The following PHF24 variants were observed in gnomAD, a reference collection of about 807,000 sequenced individuals.
PHF24 encodes PHD finger protein 24.
Under a neutral mutation model 42.6 loss-of-function variants are expected in PHF24, and 25 were observed. That is an observed-to-expected ratio of 0.59 (90% CI 0.43 to 0.82). PHF24 has a LOEUF of 0.82. Ranked by LOEUF, PHF24 falls within the 40% of genes least tolerant of loss-of-function variation. The probability of loss-of-function intolerance (pLI) is 0.00; values close to 1 mark genes in which losing one functional copy is unlikely to be tolerated. For synonymous variants in PHF24, 185 were observed against 204.8 expected, an observed-to-expected ratio of 0.90 and a Z score of 0.83; for missense variants, 470 against 538.1, an observed-to-expected ratio of 0.87 and a Z score of 1.25.
At chr9:34,895,875 G>T in the PHF24 span, 2 of 396,400 alleles carry the variant, frequency 5.0e-6, no homozygotes, top group Non-Finnish European at 8.9e-6. Flanking sequence ...ACAAGGCAGG[G>T]ATAGCATCAC....
chr9:34,877,102 G>A, the PHF24 span, among the ~76,000 whole-genome samples: 292 of 152,102 alleles, frequency 1.9e-3, no homozygotes, highest in Non-Finnish European at 3.4e-3. Context: ...GCAACATGAC[G>A]AAACCCTGTC....
chr9:34,948,138 GA>G, the PHF24 span, among the ~76,000 whole-genome samples: 7,923 of 151,700 alleles, frequency 0.052, 262 homozygotes, highest in South Asian at 0.085. Context: ...AGAAAAATAG[GA>G]AAAAGTTTAT....
At chr9:34,666,843 G>T in the PHF24 span, among the ~76,000 whole-genome samples, 1 of 152,200 alleles carries the variant, frequency 6.6e-6, no homozygotes, top group Non-Finnish European at 1.5e-5. Context: ...CTACTCGGGA[G>T]GCTGAGGCAG....
At chr9:34,773,601 T>C in the PHF24 span, among the ~76,000 whole-genome samples, 1 of 152,146 alleles carries the variant, frequency 6.6e-6, no homozygotes, top group African/African-American at 2.4e-5. Flanking sequence ...AATGATTGAA[T>C]AAACAAATAA....
the PHF24 span, among the ~76,000 whole-genome samples, chr9:34,688,743 G>A: frequency 8.5e-5 from 13 of 152,240 alleles, no homozygotes; most frequent in African/African-American, 1.2e-4. Flanking sequence ...TGTATGGACA[G>A]AATGAACAGA....
At chr9:34,760,838 A>G in the PHF24 span, among the ~76,000 whole-genome samples, 3 of 152,142 alleles carry the variant, frequency 2.0e-5, no homozygotes, top group Non-Finnish European at 4.4e-5. Context: ...CAAAAATTAC[A>G]AAAATCAGCC....
chr9:34,831,892 G>C, the PHF24 span, among the ~76,000 whole-genome samples: 2 of 152,308 alleles, frequency 1.3e-5, no homozygotes, highest in Admixed American at 1.3e-4. Flanking sequence ...GGAGAAGTCA[G>C]AGGAGAGTCT....
chr9:34,962,116 C>G (rs543807377), intron 1 of PHF24, among the ~76,000 whole-genome samples: 35 of 152,362 alleles, frequency 2.3e-4, no homozygotes, highest in African/African-American at 8.2e-4. Flanking sequence ...TCTTCCTGGC[C>G]TCAGCAAATC....
the PHF24 span, among the ~76,000 whole-genome samples, chr9:34,847,676 G>T: frequency 6.6e-6 from 1 of 151,796 alleles, no homozygotes; most frequent in African/African-American, 2.4e-5. Flanking sequence ...CCTGTCTTGT[G>T]CCAGTTTTCA....
At chr9:34,836,263 A>C in the PHF24 span, among the ~76,000 whole-genome samples, 10 of 152,210 alleles carry the variant, frequency 6.6e-5, no homozygotes, top group Non-Finnish European at 1.5e-5. Context: ...ACAAGGCCTC[A>C]GACAACCCAC....
the PHF24 span, among the ~76,000 whole-genome samples, chr9:34,681,726 G>A: frequency 6.6e-6 from 1 of 152,308 alleles, no homozygotes; most frequent in Non-Finnish European, 1.5e-5. Context: ...CAGGAGAAGT[G>A]CTTGAACCCA....
the PHF24 span, among the ~76,000 whole-genome samples, chr9:34,880,026 A>G: frequency 6.6e-6 from 1 of 152,256 alleles, no homozygotes; most frequent in Non-Finnish European, 1.5e-5. Flanking sequence ...ACAAGCCAGA[A>G]GAGAGTGGGG....
chr9:34,835,709 A>G, the PHF24 span: 9 of 1,550,964 alleles, frequency 5.8e-6, no homozygotes, highest in Non-Finnish European at 7.0e-6. Flanking sequence ...TGATCAGCCC[A>G]GTAATCTTGT....
chr9:34,846,132 G>C, the PHF24 span, among the ~76,000 whole-genome samples: 89 of 152,204 alleles, frequency 5.8e-4, no homozygotes, highest in Middle Eastern at 3.4e-3. Context: ...GGATGGCTGG[G>C]TCAAATGGTA....
the PHF24 span, among the ~76,000 whole-genome samples, chr9:34,668,341 C>T: frequency 6.6e-6 from 1 of 152,174 alleles, no homozygotes; most frequent in East Asian, 1.9e-4. Flanking sequence ...GGCACTGATA[C>T]ATACAGGAAC....
chr9:34,873,038 T>G, the PHF24 span, among the ~76,000 whole-genome samples: 1 of 150,036 alleles, frequency 6.7e-6, no homozygotes, highest in Admixed American at 6.6e-5. Context: ...TTTGCCCACT[T>G]TTTGATGGGG....
At chr9:34,902,211 A>G in the PHF24 span, among the ~76,000 whole-genome samples, 1 of 152,318 alleles carries the variant, frequency 6.6e-6, no homozygotes, top group East Asian at 1.9e-4. Context: ...ATATGTTACT[A>G]TGATTGTAAA....
chr9:34,977,584 C>A, exon 7 of PHF24: 1 of 1,609,970 alleles, frequency 6.2e-7, no homozygotes, highest in South Asian at 1.1e-5. Context: ...AGCAGCCCAG[C>A]CAGCAGCAGC....
At chr9:34,774,375 T>A in the PHF24 span, among the ~76,000 whole-genome samples, 1 of 148,932 alleles carries the variant, frequency 6.7e-6, no homozygotes, top group Non-Finnish European at 1.5e-5. Flanking sequence ...CCAGAATATA[T>A]GAAGAACTCC....
Sources: gnomAD v4.1 joint callset for allele counts (sites outside exome capture counted in the v4.1 genomes callset) on GRCh38, gnomAD v4.1.1 for gene constraint, MANE v1.5 for transcripts, NCBI Gene and HGNC (gene_info 2026-07-23, HGNC 2026-07-21) for gene names.